GRM5: variants seen among roughly 807,000 people sequenced by gnomAD.
GRM5 encodes the protein metabotropic glutamate receptor 5.
Under a neutral mutation model 83.1 loss-of-function variants are expected in GRM5, and 19 were observed. The observed-to-expected ratio is 0.23, with a 90% CI of 0.16 to 0.34. GRM5 has a LOEUF of 0.34. Among genes scored for constraint, GRM5 ranks in the 10% least tolerant of loss-of-function variants. GRM5 has a pLI of 1.00. For missense variants in GRM5, 1,160 were observed against 1,588.3 expected, an observed-to-expected ratio of 0.73 and a Z score of 4.58; for synonymous variants, 675 against 633.6, an observed-to-expected ratio of 1.07 and a Z score of -0.98.
chr11:88,518,169 A>G (rs1941577413), intron 9 of GRM5, among the ~76,000 whole-genome samples: 1 of 151,990 alleles, frequency 6.6e-6, no homozygotes, highest in Non-Finnish European at 1.5e-5. Flanking sequence ...GAATATGTTC[A>G]ATTTAATAAT....
At chr11:88,557,617 C>T (rs1442512194) in intron 8 of GRM5, among the ~76,000 whole-genome samples, 1 of 152,156 alleles carries the variant, frequency 6.6e-6, no homozygotes, top group Non-Finnish European at 1.5e-5. Context: ...AGCTTCATCT[C>T]CTGTTACCTG....
Position 88,767,824 on chromosome 11 carries a change from TA to T in GRM5, c.911+82081del, listed in dbSNP as rs557085951. Among the ~76,000 whole-genome samples, 25 of 150,668 alleles carry T rather than the reference TA, an allele frequency of 1.7e-4. No homozygotes were observed. In the South Asian group the frequency reaches 5.3e-3, roughly 32 times the overall value. The stretch of plus-strand genomic sequence containing the variant: ...AAACCTGCACATGTACCCCAGAACC[TA>T]AAAAAAAATTAAAGATGCTTAGCAT... On this transcript the variant is annotated intron_variant, in intron 3 of 9. Coordinates refer to ENST00000305447, the MANE Select transcript of GRM5 (RefSeq NM_001143831.3).
rs1939370225 is a variant in GRM5, at chr11:88,977,175, ATTT to A, written c.661+70034_661+70036del. Among the ~76,000 whole-genome samples the A allele has an allele frequency of 2.0e-5, 3 of 150,128 alleles. No individual in the cohort carries two copies. In the South Asian group the frequency reaches 6.2e-4, roughly 31 times the overall value. On this transcript the variant is annotated intron_variant, in intron 2 of 9. Transcript: ENST00000305447. ...CATCCCAGGTGATTTAACATAAAATATTTTTGTTTCTATTTTTATTTTATATTA... is the reference window on the plus strand; with the variant it reads ...CATCCCAGGTGATTTAACATAAAATATTGTTTCTATTTTTATTTTATATTA...
intron 3 of GRM5, among the ~76,000 whole-genome samples, chr11:88,722,601 T>TA (rs1941573534): frequency 6.6e-6 from 1 of 152,160 alleles, no homozygotes; most frequent in Non-Finnish European, 1.5e-5. Flanking sequence ...GGGAGATACC[T>TA]GGACAAAAAG....
chr11:88,704,054 C>T (rs1941096831), intron 3 of GRM5, among the ~76,000 whole-genome samples: 1 of 152,034 alleles, frequency 6.6e-6, no homozygotes, highest in South Asian at 2.1e-4. Context: ...TGTCCTCTCA[C>T]TATATCTTCA....
intron 4 of GRM5, among the ~76,000 whole-genome samples, chr11:88,644,936 C>A (rs1194220227): frequency 1.3e-5 from 2 of 151,868 alleles, no homozygotes; most frequent in Non-Finnish European, 2.9e-5. Context: ...ATATTAGTGA[C>A]CAAAGGGTCA....
At chr11:88,861,784 A>G (rs1944567619) in intron 2 of GRM5, among the ~76,000 whole-genome samples, 1 of 152,032 alleles carries the variant, frequency 6.6e-6, no homozygotes, top group Non-Finnish European at 1.5e-5. Context: ...CACCTGGCCC[A>G]CAGTTCTAAA....
At chr11:88,789,504 T>A (rs959337360) in intron 3 of GRM5, among the ~76,000 whole-genome samples, 1 of 152,206 alleles carries the variant, frequency 6.6e-6, no homozygotes, top group Non-Finnish European at 1.5e-5. Flanking sequence ...ACATTTTTTG[T>A]TCAAGTACAC....
At chr11:88,968,884 A>G (rs1939076569) in intron 2 of GRM5, among the ~76,000 whole-genome samples, 1 of 152,174 alleles carries the variant, frequency 6.6e-6, no homozygotes, top group African/African-American at 2.4e-5. Flanking sequence ...GAAATCTTTA[A>G]TTATTTCTCT....
At chr11:88,759,507 A>C (rs1942466637) in intron 3 of GRM5, among the ~76,000 whole-genome samples, 2 of 152,202 alleles carry the variant, frequency 1.3e-5, no homozygotes, top group South Asian at 4.1e-4. Context: ...TAAAGGGTTC[A>C]ATTCAACAAG....
At chr11:88,903,406 A>C (rs1363127695) in intron 2 of GRM5, among the ~76,000 whole-genome samples, 2 of 152,222 alleles carry the variant, frequency 1.3e-5, no homozygotes, top group African/African-American at 2.4e-5. Flanking sequence ...CTATCTGCCC[A>C]AGGGAAAAGA....
chr11:88,627,237 A>C (rs1453546244), intron 4 of GRM5, among the ~76,000 whole-genome samples: 2 of 152,224 alleles, frequency 1.3e-5, no homozygotes, highest in Non-Finnish European at 2.9e-5. Context: ...AAGCTTGTAC[A>C]AAACCACTTT....
intron 3 of GRM5, among the ~76,000 whole-genome samples, chr11:88,723,988 T>C (rs143273361): frequency 2.3e-3 from 351 of 152,268 alleles, no homozygotes; most frequent in African/African-American, 8.1e-3. Context: ...ATAGTGAACA[T>C]TATACTCAAT....
At chr11:88,932,442 T>C (rs1426951995) in intron 2 of GRM5, among the ~76,000 whole-genome samples, 1 of 152,008 alleles carries the variant, frequency 6.6e-6, no homozygotes, top group Non-Finnish European at 1.5e-5. Flanking sequence ...AGTTAGCTAG[T>C]GATATGGAAA....
At chr11:88,597,645 G>A (rs1038889066) in intron 5 of GRM5, among the ~76,000 whole-genome samples, 3 of 152,024 alleles carry the variant, frequency 2.0e-5, no homozygotes, top group African/African-American at 4.8e-5. Flanking sequence ...AAGTTTAAAC[G>A]AGTACTGTTA....
chr11:88,889,669 T>G (rs975956882), intron 2 of GRM5, among the ~76,000 whole-genome samples: 7 of 152,168 alleles, frequency 4.6e-5, no homozygotes, highest in African/African-American at 1.7e-4. Flanking sequence ...CCTTTATATT[T>G]TTCTCTTCTT....
At chr11:88,865,653 T>C (rs761032322) in intron 2 of GRM5, among the ~76,000 whole-genome samples, 21 of 151,718 alleles carry the variant, frequency 1.4e-4, no homozygotes, top group South Asian at 8.3e-4. Flanking sequence ...AGTTTTGCAA[T>C]CTATCCATCT....
In GRM5 at chr11:88,860,687, A is replaced by G. The variant is rs1590919285; in HGVS notation, c.662-10532T>C. 3.3e-5 allele frequency among the ~76,000 whole-genome samples: 5 copies of G among 152,314 alleles called. No individual in the cohort carries two copies. The South Asian group carries it at 1.0e-3, about 32-fold the overall frequency. ...GTGCTGTCTGGGTTCTGTTGTAGCCAGATTCCCTTTGGAAGGACTTGGTGT... is the reference window on the plus strand; with the variant it reads ...GTGCTGTCTGGGTTCTGTTGTAGCCGGATTCCCTTTGGAAGGACTTGGTGT... On this transcript the variant is annotated intron_variant, in intron 2 of 9. Transcript: ENST00000305447.
At chr11:88,602,877 T>A (rs1938037995) in intron 5 of GRM5, among the ~76,000 whole-genome samples, 1 of 152,184 alleles carries the variant, frequency 6.6e-6, no homozygotes, top group Admixed American at 6.5e-5. Context: ...ACTCAATATA[T>A]GCTAGTTATA....
Sources: allele counts gnomAD v4.1 joint callset (sites outside exome capture counted in the v4.1 genomes callset), GRCh38; gene constraint gnomAD v4.1.1; transcripts MANE v1.5; gene names NCBI Gene and HGNC (gene_info 2026-07-23, HGNC 2026-07-21).